LPP: variants seen among roughly 807,000 people sequenced by gnomAD.
The protein encoded by LPP is lipoma-preferred partner.
Under a neutral mutation model 60.4 loss-of-function variants are expected in LPP, and 38 were observed. The observed-to-expected ratio is 0.63, with a 90% CI of 0.49 to 0.83. The LOEUF is 0.83. Ranked by LOEUF, LPP falls within the 40% of genes least tolerant of loss-of-function variation. The pLI, the probability that LPP is intolerant of heterozygous loss-of-function variation, is 0.00. For synonymous variants in LPP, 328 were observed against 290.8 expected (o/e 1.13, Z -1.30); for missense variants, 902 against 783.6 (o/e 1.15, Z -1.80).
chr3:188,198,064 C>G (rs2149060520), intron 1 of LPP, among the ~76,000 whole-genome samples: 1 of 152,322 alleles, frequency 6.6e-6, no homozygotes, highest in South Asian at 2.1e-4. Flanking sequence ...GGTTTACACA[C>G]TTGGTGAAAC....
chr3:188,608,816 C>A (rs80248452), intron 6 of LPP, among the ~76,000 whole-genome samples: 2 of 151,990 alleles, frequency 1.3e-5, no homozygotes. Flanking sequence ...GATGTTTATC[C>A]GTTTGTTTGT....
intron 6 of LPP, among the ~76,000 whole-genome samples, chr3:188,607,055 T>A (rs1435192061): frequency 6.6e-6 from 1 of 151,590 alleles, no homozygotes; most frequent in Non-Finnish European, 1.5e-5. Context: ...AATATAGACC[T>A]AACTCCTTAA....
intron 4 of LPP, among the ~76,000 whole-genome samples, chr3:188,443,940 G>A (rs562193289): frequency 3.9e-5 from 6 of 152,312 alleles, no homozygotes; most frequent in African/African-American, 1.4e-4. Flanking sequence ...ATAAAGGATG[G>A]TGTGCCCTTA....
At position 188,874,361 on chromosome 3, in the gene LPP, GTCT is replaced by G; in HGVS notation, c.1722_1724del (p.Leu576del). The G allele has an allele frequency of 6.2e-7, 1 of 1,613,566 alleles. No individual in the cohort carries two copies. On this transcript the variant is annotated inframe_deletion, in exon 12 of 12. Transcript: ENST00000617246. ...TCTTTACTGTTCTAGGATTGCGGTG[GTCT>G]CCTGTCTGAAGGAGATAACCAAGGC...
At chr3:188,264,256 T>C (rs1203816108) in intron 2 of LPP, among the ~76,000 whole-genome samples, 1 of 150,446 alleles carries the variant, frequency 6.6e-6, no homozygotes, top group East Asian at 1.9e-4. Context: ...AAACATTAGT[T>C]TTGTGTGTGT....
chr3:188,513,981 A>G (rs1181313434), intron 5 of LPP, among the ~76,000 whole-genome samples: 2 of 152,238 alleles, frequency 1.3e-5, no homozygotes, highest in Non-Finnish European at 2.9e-5. Flanking sequence ...TGGAAGGTGC[A>G]TACCCTCATT....
intron 4 of LPP, among the ~76,000 whole-genome samples, chr3:188,425,339 C>T (rs184606765): frequency 3.9e-4 from 60 of 152,146 alleles, no homozygotes; most frequent in Non-Finnish European, 6.3e-4. Context: ...CTGCAGGATT[C>T]GGTTTTCCAG....
chr3:188,608,444 A>G (rs1842939748), intron 6 of LPP, among the ~76,000 whole-genome samples: 1 of 152,068 alleles, frequency 6.6e-6, no homozygotes, highest in African/African-American at 2.4e-5. Flanking sequence ...TTTACCTATC[A>G]TCTATTCTTT....
intron 4 of LPP, among the ~76,000 whole-genome samples, chr3:188,466,168 T>G (rs1477727444): frequency 6.6e-6 from 1 of 152,142 alleles, no homozygotes; most frequent in African/African-American, 2.4e-5. Context: ...TTTCTGAATA[T>G]TAAAGGCTTC....
intron 3 of LPP, among the ~76,000 whole-genome samples, chr3:188,368,682 T>TCACA (rs1289084950): frequency 1.7e-4 from 22 of 129,510 alleles, no homozygotes; most frequent in African/African-American, 6.1e-4. Context: ...ACACACACTC[T>TCACA]CACACACACA....
intron 3 of LPP, among the ~76,000 whole-genome samples, chr3:188,344,458 C>T (rs1412328550): frequency 6.6e-6 from 1 of 152,156 alleles, no homozygotes; most frequent in Non-Finnish European, 1.5e-5. Flanking sequence ...TGTAATGTCA[C>T]CTGGCTGTGT....
chr3:188,332,929 G>A (rs1760545535), intron 2 of LPP, among the ~76,000 whole-genome samples: 1 of 78,120 alleles, frequency 1.3e-5, no homozygotes, highest in Non-Finnish European at 2.3e-5. Context: ...CACCCCAGTT[G>A]CATGCATGCC....
At chr3:188,713,395 A>AC (rs11445187) in intron 8 of LPP, among the ~76,000 whole-genome samples, 1 of 152,158 alleles carries the variant, frequency 6.6e-6, no homozygotes, top group Non-Finnish European at 1.5e-5. Flanking sequence ...GGATGAAAAA[A>AC]AAAAAAGCTG....
intron 7 of LPP, among the ~76,000 whole-genome samples, chr3:188,661,447 G>A (rs556562977): frequency 4.6e-5 from 7 of 152,228 alleles, no homozygotes; most frequent in South Asian, 2.1e-4. Flanking sequence ...ACCATTTTGC[G>A]GTCCCACCTG....
At chr3:188,164,331 G>A (rs926681840) in intron 1 of LPP, among the ~76,000 whole-genome samples, 1 of 152,168 alleles carries the variant, frequency 6.6e-6, no homozygotes, top group Non-Finnish European at 1.5e-5. Flanking sequence ...GGCCCATCTT[G>A]ATAATGATCT....
intron 9 of LPP, among the ~76,000 whole-genome samples, chr3:188,854,128 C>T (rs904406179): frequency 1.8e-4 from 28 of 152,272 alleles, no homozygotes; most frequent in African/African-American, 6.7e-4. Flanking sequence ...AGTTAGTCCA[C>T]CACCCTTTTG....
chr3:188,558,463 CCT>C (rs1829976101), intron 6 of LPP, among the ~76,000 whole-genome samples: 1 of 151,946 alleles, frequency 6.6e-6, no homozygotes. Context: ...ACATATATAC[CCT>C]GTTATGGTTG....
At chr3:188,160,514 C>G (rs1332615557) in intron 1 of LPP, among the ~76,000 whole-genome samples, 1 of 152,190 alleles carries the variant, frequency 6.6e-6, no homozygotes, top group African/African-American at 2.4e-5. Context: ...TTAATCCATG[C>G]CTTTTCTTAT....
intron 9 of LPP, among the ~76,000 whole-genome samples, chr3:188,858,444 T>C (rs1764342166): frequency 6.6e-6 from 1 of 152,194 alleles, no homozygotes; most frequent in Admixed American, 6.5e-5. Flanking sequence ...ATATTACCTC[T>C]CCGGGCATTA....
Sources: gnomAD v4.1 joint callset for allele counts (sites outside exome capture counted in the v4.1 genomes callset) on GRCh38, gnomAD v4.1.1 for gene constraint, MANE v1.5 for transcripts, NCBI Gene and HGNC (gene_info 2026-07-23, HGNC 2026-07-21) for gene names.